N4BP1: variants seen among roughly 807,000 people sequenced by gnomAD.
N4BP1 encodes NEDD4 binding protein 1, also known as NEDD4-binding protein 1.
N4BP1 carries 21 observed loss-of-function variants against 70.9 expected under a neutral mutation model. The observed-to-expected ratio is 0.30, with a 90% CI of 0.21 to 0.43. N4BP1 has a LOEUF of 0.43. Among genes scored for constraint, N4BP1 ranks in the 20% least tolerant of loss-of-function variants. N4BP1 has a pLI of 1.00. For missense variants in N4BP1, 936 were observed against 1,069.4 expected (o/e 0.88, Z 1.74); for synonymous variants, 387 against 394.6 (o/e 0.98, Z 0.23).
chr16:48,568,406 A>G (rs1963971595), intron 1 of N4BP1, among the ~76,000 whole-genome samples: 1 of 152,196 alleles, frequency 6.6e-6, no homozygotes. Context: ...TTTTCTTTCA[A>G]TGTATGAAAC....
chr16:48,590,521 G>C (rs1463108798), intron 1 of N4BP1, among the ~76,000 whole-genome samples: 3 of 152,194 alleles, frequency 2.0e-5, no homozygotes, highest in Admixed American at 6.5e-5. Flanking sequence ...GATTGCTCTT[G>C]TGGCTACCTG....
intron 1 of N4BP1, among the ~76,000 whole-genome samples, chr16:48,569,708 T>C (rs1393098937): frequency 1.3e-5 from 2 of 152,208 alleles, no homozygotes; most frequent in Admixed American, 1.3e-4. Context: ...CAATGCTATA[T>C]ATCTATCCCA....
At chr16:48,590,084 C>T (rs542003157) in intron 1 of N4BP1, among the ~76,000 whole-genome samples, 1 of 152,150 alleles carries the variant, frequency 6.6e-6, no homozygotes, top group Non-Finnish European at 1.5e-5. Flanking sequence ...CCAAATTGCT[C>T]CTGGGGATAA....
At chr16:48,586,813 T>A (rs1051117706) in intron 1 of N4BP1, among the ~76,000 whole-genome samples, 1 of 152,202 alleles carries the variant, frequency 6.6e-6, no homozygotes, top group African/African-American at 2.4e-5. Context: ...TTCTGTCAAA[T>A]CAAAGAGGAA....
At chr16:48,552,587 A>G (rs1963686182) in intron 3 of N4BP1, among the ~76,000 whole-genome samples, 1 of 151,470 alleles carries the variant, frequency 6.6e-6, no homozygotes, top group Non-Finnish European at 1.5e-5. Flanking sequence ...AGTCCCAGCT[A>G]CTCGGGAGGC....
At chr16:48,555,220 G>A (rs1343698719) in intron 2 of N4BP1, among the ~76,000 whole-genome samples, 1 of 152,172 alleles carries the variant, frequency 6.6e-6, no homozygotes, top group Non-Finnish European at 1.5e-5. Flanking sequence ...TGGTGCACGA[G>A]AATCACAGAG....
chr16:48,573,051 A>C (rs1248015787), intron 1 of N4BP1, among the ~76,000 whole-genome samples: 5 of 151,570 alleles, frequency 3.3e-5, no homozygotes, highest in Admixed American at 3.3e-4. Context: ...TACAGGCTGC[A>C]GTGACCCGAG....
At chr16:48,588,523 G>C (rs1012103617) in intron 1 of N4BP1, among the ~76,000 whole-genome samples, 2 of 152,078 alleles carry the variant, frequency 1.3e-5, no homozygotes, top group Non-Finnish European at 2.9e-5. Flanking sequence ...TCGAACTCCT[G>C]ACCTCAAGTG....
chr16:48,610,012 G>C lies in N4BP1; in HGVS notation c.-40C>G. 14 of 1,084,824 alleles carry C rather than the reference G, an allele frequency of 1.3e-5. No individual in the cohort carries two copies. Among genetic ancestry groups the C allele is most frequent in the Non-Finnish European group, 1.6e-5 (14 of 889,714 alleles). The allele number at this position is 1,084,824 out of a possible 1,614,324, so 67.2% of individuals were successfully genotyped here. On this transcript the variant is annotated 5_prime_UTR_variant, in exon 1 of 7. Transcript: ENST00000262384. Reference sequence around the variant, plus strand: ...CCCGCGGCGGCGCCGGGGGCCGGCGGCGGCGACGCCCCCTCAGCTTGCTGC... The same window carrying C: ...CCCGCGGCGGCGCCGGGGGCCGGCGCCGGCGACGCCCCCTCAGCTTGCTGC...
At chr16:48,586,300 C>G (rs1458737920) in intron 1 of N4BP1, among the ~76,000 whole-genome samples, 2 of 152,208 alleles carry the variant, frequency 1.3e-5, no homozygotes, top group Admixed American at 6.5e-5. Context: ...CAGGTGCACA[C>G]CACCATGCTT....
At chr16:48,566,313 G>A (rs1212243901) in intron 1 of N4BP1, among the ~76,000 whole-genome samples, 1 of 152,024 alleles carries the variant, frequency 6.6e-6, no homozygotes, top group Non-Finnish European at 1.5e-5. Context: ...CCAAAGTGTT[G>A]GGATTTCAGG....
At position 48,571,782 on chromosome 16, in the gene N4BP1, A is replaced by C. The variant is rs552315257; in HGVS notation, c.199-9338T>G. 1.3e-3 allele frequency among the ~76,000 whole-genome samples: 200 copies of C among 152,340 alleles called. 2 individuals are homozygous for C. The highest frequency in any genetic ancestry group is 3.4e-3 in the Admixed American group (52 of 15,294). ...CTAAAAGTACCATGAAAACAAAGAA[A>C]CGGGAAAAATAAGGAAAGAGGCCTT... On this transcript the variant is annotated intron_variant, in intron 1 of 6. Coordinates refer to ENST00000262384, the MANE Select transcript of N4BP1 (RefSeq NM_153029.4).
At chr16:48,600,272 T>TA in intron 1 of N4BP1, 1 of 1,112,844 alleles carries the variant, frequency 9.0e-7, no homozygotes, top group African/African-American at 1.6e-5. Flanking sequence ...CTAAATGTCA[T>TA]AAAAACTTTA....
chr16:48,599,369 T>C (rs529553576), intron 1 of N4BP1, among the ~76,000 whole-genome samples: 14 of 152,268 alleles, frequency 9.2e-5, no homozygotes, highest in African/African-American at 3.1e-4. Flanking sequence ...TCTGGCAAAA[T>C]AGAGGGTAAG....
rs762568325 is a variant in N4BP1 at position 48,538,862 on chromosome 16, A to T, written c.*4042T>A. On this transcript the variant is annotated 3_prime_UTR_variant, in exon 7 of 7. Transcript: ENST00000262384. The stretch of plus-strand genomic sequence containing the variant: ...TAGAAAGGGCAGCAAGACAGTACAC[A>T]ATCAGTGGCAGCAGCACCAGCCAGA... 1.3e-5 allele frequency: 2 copies of T among 152,646 alleles called. No individual in the cohort carries two copies. The highest frequency in any genetic ancestry group is 4.8e-5 in the African/African-American group (2 of 41,470). 9.5% of individuals were successfully genotyped at this position (152,646 alleles called of 1,614,324 possible).
chr16:48,587,903 A>G (rs187113929), intron 1 of N4BP1, among the ~76,000 whole-genome samples: 1 of 152,268 alleles, frequency 6.6e-6, no homozygotes, highest in Admixed American at 6.5e-5. Flanking sequence ...GGGAATTCTG[A>G]AGAGAGAGGA....
chr16:48,548,814 T>C (rs529796174), intron 4 of N4BP1, among the ~76,000 whole-genome samples: 6 of 138,018 alleles, frequency 4.3e-5, no homozygotes, highest in African/African-American at 1.7e-4. Flanking sequence ...CATTCCAGCC[T>C]GGACAACAGA....
At position 48,541,202 on chromosome 16, in the gene N4BP1, A is replaced by C. The variant is rs1448665154; in HGVS notation, c.*1702T>G. 7 of 152,304 alleles carry C rather than the reference A, an allele frequency of 4.6e-5. 1 individual carries two copies. Among genetic ancestry groups the C allele is most frequent in the Admixed American group, 3.9e-4 (6 of 15,288 alleles). The allele number at this position is 152,304 out of a possible 1,614,324, so 9.4% of individuals were successfully genotyped here. A position where few individuals can be genotyped will look rare whatever the true frequency, so the allele number is the denominator to read the frequency against. ...AGGCTGCTGGACTGAACCATGAGCC[A>C]GAAGGCCAGAATCACTGCAAGACAG... On this transcript the variant is annotated 3_prime_UTR_variant, in exon 7 of 7. Coordinates refer to ENST00000262384, the MANE Select transcript of N4BP1 (RefSeq NM_153029.4).
chr16:48,568,097 G>A (rs1437945350), intron 1 of N4BP1, among the ~76,000 whole-genome samples: 2 of 152,160 alleles, frequency 1.3e-5, no homozygotes, highest in Non-Finnish European at 2.9e-5. Context: ...TAAAGTCTCT[G>A]GCTTAGGCTT....
Sources: allele counts gnomAD v4.1 joint callset (sites outside exome capture counted in the v4.1 genomes callset), GRCh38; gene constraint gnomAD v4.1.1; transcripts MANE v1.5; gene names NCBI Gene and HGNC (gene_info 2026-07-23, HGNC 2026-07-21).